MYO18A: variants seen among roughly 807,000 people sequenced by gnomAD.
MYO18A encodes the protein myosin XVIIIA, also known as unconventional myosin-XVIIIa.
Under a neutral mutation model 235.8 loss-of-function variants are expected in MYO18A, and 78 were observed. That is an observed-to-expected ratio of 0.33 (90% CI 0.28 to 0.40). The LOEUF (loss-of-function observed/expected upper bound fraction) is 0.40, where lower values mean the gene tolerates loss of function less well. MYO18A is among the 10% of genes least tolerant of loss of function. The probability of loss-of-function intolerance (pLI) is 1.00; values close to 1 mark genes in which losing one functional copy is unlikely to be tolerated. For missense variants in MYO18A, 2,215 were observed against 2,699.3 expected (o/e 0.82, Z 3.98); for synonymous variants, 977 against 1,077.8 (o/e 0.91, Z 1.83).
At chr17:29,079,610 A>T in intron 41 of MYO18A, 1 of 707,592 alleles carries the variant, frequency 1.4e-6, no homozygotes, top group Non-Finnish European at 1.7e-6. Context: ...CTCCGAGGCC[A>T]GGCATGCCCG....
chr17:29,096,964 T>G (rs368713821), intron 27 of MYO18A, 49 bp from the exon 28 acceptor site: 31 of 1,488,592 alleles, frequency 2.1e-5, no homozygotes, highest in Non-Finnish European at 2.7e-5. Flanking sequence ...GAAGCATAGG[T>G]GGAGAAGGTG....
intron 20 of MYO18A, among the ~76,000 whole-genome samples, chr17:29,105,422 G>T (rs1414752326): frequency 1.3e-5 from 2 of 152,034 alleles, no homozygotes; most frequent in African/African-American, 4.8e-5. Context: ...AGAGAAAAGG[G>T]CCAGGAGAAA....
chr17:29,095,154 C>T (rs1377480160), intron 28 of MYO18A, 95 bp from the exon 29 acceptor site: 12 of 1,444,906 alleles, frequency 8.3e-6, no homozygotes, highest in Non-Finnish European at 1.1e-5. Context: ...AGGACTCAAG[C>T]AGGGGTGGGG....
chr17:29,080,883 C>T (rs1297054469), intron 41 of MYO18A: 2 of 985,374 alleles, frequency 2.0e-6, no homozygotes, highest in Non-Finnish European at 2.4e-6. Flanking sequence ...AGGTGAAGAG[C>T]GAATCCGCGT....
At chr17:29,091,074 G>A (rs1258046594) in intron 34 of MYO18A, 148 bp from the exon 35 acceptor site, 6 of 637,898 alleles carry the variant, frequency 9.4e-6, no homozygotes, top group African/African-American at 7.3e-5. Flanking sequence ...TGATGCTCAA[G>A]GAGCTGCCTG....
intron 2 of MYO18A, among the ~76,000 whole-genome samples, chr17:29,154,121 T>TGTGTGTGCGTGCGCGC (rs142430455): frequency 6.7e-6 from 1 of 149,000 alleles, no homozygotes; most frequent in African/African-American, 2.5e-5. Flanking sequence ...TGTGTGTGTG[T>TGTGTGTGCGTGCGCGC]GCGCGCGCGT....
chr17:29,140,930 C>T lies in MYO18A; in HGVS notation c.1000-18677G>A, dbSNP rs2067725909. Among the ~76,000 whole-genome samples, 1 of 152,258 alleles carries T rather than the reference C, an allele frequency of 6.6e-6. No individual in the cohort carries two copies. Among genetic ancestry groups the T allele is most frequent in the South Asian group, 2.1e-4 (1 of 4,834 alleles). On this transcript the variant is annotated intron_variant, in intron 2 of 41. Transcript: ENST00000527372. The surrounding 1 kb of genome is among the most constrained non-coding windows in gnomAD (Gnocchi z 4.2). ...CAGAGGCCAAGACAGCCACTAACGT[C>T]ACATCCAAGACAGCACACGGGGCCC...
At position 29,072,061 on chromosome 17, in the gene MYO18A, T is replaced by A. The variant is rs2065889824; in HGVS notation, c.*2709A>T. ...AGTTAACCAGAGGCTTGACTCAGTATGAGTGAACAGATTTGGGAATTCATC... is the reference window on the plus strand; with the variant it reads ...AGTTAACCAGAGGCTTGACTCAGTAAGAGTGAACAGATTTGGGAATTCATC... On this transcript the variant is annotated 3_prime_UTR_variant, in exon 42 of 42. Coordinates refer to ENST00000527372, the MANE Select transcript of MYO18A (RefSeq NM_078471.4). 1 of 152,230 alleles carries A rather than the reference T, an allele frequency of 6.6e-6. No homozygotes were observed. Among genetic ancestry groups the A allele is most frequent in the Non-Finnish European group, 1.5e-5 (1 of 68,048 alleles). 9.4% of individuals were successfully genotyped at this position (152,230 alleles called of 1,614,324 possible).
In MYO18A at chr17:29,136,250, A is replaced by ATATATATATAT. The variant is rs1555536337; in HGVS notation, c.1000-13998_1000-13997insATATATATATA. ...CATCTCAAAAGAAAAAAAAAAAAAA[A>ATATATATATAT]ATATATATATATATATATATATATG... is the stretch of plus-strand genomic sequence containing the variant. On this transcript the variant is annotated intron_variant, in intron 2 of 41. Transcript: ENST00000527372. Among the ~76,000 whole-genome samples, 9 of 82,472 alleles carry ATATATATATAT rather than the reference A, an allele frequency of 1.1e-4. 1 individual carries two copies. The highest frequency in any genetic ancestry group is 4.1e-4 in the African/African-American group (9 of 21,746). The allele number at this position is 82,472 out of a possible 152,430, so 54.1% of individuals were successfully genotyped here. A position where few individuals can be genotyped will look rare whatever the true frequency, so the allele number is the denominator to read the frequency against.
chr17:29,074,523 A>C lies in MYO18A; in HGVS notation c.*247T>G. On this transcript the variant is annotated 3_prime_UTR_variant, in exon 42 of 42. Transcript: ENST00000527372. The surrounding 1 kb of genome is among the most constrained non-coding windows in gnomAD (Gnocchi z 4.4). ...CCACGGTGACACAGGGTAGAAGCCA[A>C]GAGTCTGGCATTTTGAGACAGAGGA... is the stretch of plus-strand genomic sequence containing the variant. The C allele has an allele frequency of 1.7e-6, 1 of 589,982 alleles. No homozygotes were observed. 36.5% of individuals were successfully genotyped at this position (589,982 alleles called of 1,614,324 possible).
At chr17:29,105,189 A>AG (rs2066753096) in intron 20 of MYO18A, among the ~76,000 whole-genome samples, 1 of 150,324 alleles carries the variant, frequency 6.7e-6, no homozygotes. Flanking sequence ...AAAAAAAAAA[A>AG]AAAAAAAGAA....
rs916788376 is a variant in MYO18A at position 29,109,033 on chromosome 17, T to C, written c.3331+825A>G. 6.6e-6 allele frequency among the ~76,000 whole-genome samples: 1 copy of C among 151,858 alleles called. No individual in the cohort carries two copies. The highest frequency in any genetic ancestry group is 1.5e-5 in the Non-Finnish European group (1 of 67,964). On this transcript the variant is annotated intron_variant, in intron 19 of 41. Transcript: ENST00000527372. This position sits in a 1 kb window ranked among gnomAD's most constrained non-coding sequence, Gnocchi z 4.1. ...TTCCTGGCTTGGGCTGCTAAGGAAG[T>C]TTTAGTGCCCATGGGAATGCCTGAA...
intron 2 of MYO18A, among the ~76,000 whole-genome samples, chr17:29,141,103 C>T (rs1420551475): frequency 6.6e-6 from 1 of 152,262 alleles, no homozygotes; most frequent in Non-Finnish European, 1.5e-5. Context: ...TCTTTGTTTA[C>T]ATCCCTCTCC....
At chr17:29,097,188 C>G (rs1398426095) in intron 27 of MYO18A, 35 bp downstream of exon 27, 6 of 1,600,950 alleles carry the variant, frequency 3.7e-6, no homozygotes, top group Non-Finnish European at 5.1e-6. Context: ...TCCTGGCCCT[C>G]CCAGGCACAG....
chr17:29,115,953 TGACACCC>T, intron 11 of MYO18A, 113 bp from the exon 12 acceptor site: 1 of 1,176,516 alleles, frequency 8.5e-7, no homozygotes. Flanking sequence ...CCAGCCCTGA[TGACACCC>T]GATGGGCTTC....
chr17:29,119,208 A>T, intron 8 of MYO18A, 127 bp downstream of exon 8: 2 of 664,894 alleles, frequency 3.0e-6, no homozygotes, highest in Non-Finnish European at 2.6e-6. Flanking sequence ...CACATAGCAG[A>T]CATGCACTGA....
rs756881292 is a variant in MYO18A, at chr17:29,111,434, C to A, written c.2890G>T (p.Asp964Tyr). ...ATQNAPRLLQDSQKKIISNLF... is the reference protein window; with the variant it reads ...ATQNAPRLLQYSQKKIISNLF... ...GAGTGGTGGTCTTACTTCTGGGAGTCCTGCAGGAGCCGGGGGGCATTCTGG... is the reference window on the plus strand; with the variant it reads ...GAGTGGTGGTCTTACTTCTGGGAGTACTGCAGGAGCCGGGGGGCATTCTGG... Residue 964 changes from aspartate (D) to tyrosine (Y), a missense_variant, in exon 17 of 42, where the codon GAC (aspartate) becomes TAC (tyrosine). Transcript: ENST00000527372. This position sits in a 1 kb window ranked among gnomAD's most constrained non-coding sequence, Gnocchi z 5.1. 20 of 1,612,010 alleles carry A rather than the reference C, an allele frequency of 1.2e-5. No individual in the cohort carries two copies. Among genetic ancestry groups the A allele is most frequent in the Non-Finnish European group, 1.4e-5 (16 of 1,179,268 alleles).
At chr17:29,079,562 C>T (rs1456759615) in intron 41 of MYO18A, among the ~76,000 whole-genome samples, 2 of 152,212 alleles carry the variant, frequency 1.3e-5, no homozygotes, top group African/African-American at 4.8e-5. Context: ...GACTGACCAG[C>T]TTGGGTGGCC....
At chr17:29,094,181 C>T (rs975437370) in intron 30 of MYO18A, 91 bp from the exon 31 acceptor site, 36 of 890,608 alleles carry the variant, frequency 4.0e-5, no homozygotes, top group African/African-American at 3.3e-4. Context: ...GCTCAGGGGC[C>T]GAGAACGTCC....
Sources: allele counts gnomAD v4.1 joint callset (sites outside exome capture counted in the v4.1 genomes callset), GRCh38; gene constraint gnomAD v4.1.1; non-coding constraint Gnocchi (gnomAD v3.1); transcripts MANE v1.5; gene names NCBI Gene and HGNC (gene_info 2026-07-23, HGNC 2026-07-21).